VEPH1: variants seen among roughly 807,000 people sequenced by gnomAD.
VEPH1 encodes the protein ventricular zone expressed PH domain containing 1, also known as ventricular zone-expressed PH domain-containing protein homolog 1.
Under a neutral mutation model 85.2 loss-of-function variants are expected in VEPH1, and 80 were observed. That is an observed-to-expected ratio of 0.94 (90% CI 0.78 to 1.13). VEPH1 has a LOEUF of 1.13. Ranked by LOEUF, VEPH1 falls within the 50% of genes most tolerant of loss-of-function variation. The pLI, the probability that VEPH1 is intolerant of heterozygous loss-of-function variation, is 0.00. For missense variants in VEPH1, 955 were observed against 980.5 expected (o/e 0.97, Z 0.35); for synonymous variants, 297 against 348.0 (o/e 0.85, Z 1.63).
intron 4 of VEPH1, among the ~76,000 whole-genome samples, chr3:157,455,154 T>G (rs1735268640): frequency 6.6e-6 from 1 of 152,204 alleles, no homozygotes; most frequent in Non-Finnish European, 1.5e-5. Flanking sequence ...TTTTAACTTC[T>G]TTGAGAAATC....
Position 157,313,645 on chromosome 3 carries a change from C to T in VEPH1, c.1986G>A (p.Met662Ile). ...GGAHSFETAMMESTFPQQKDL... is the reference protein window; with the variant it reads ...GGAHSFETAMIESTFPQQKDL... ...CCTTCTGCTGTGGAAACGTGGACTC[C>T]ATCATGGCAGTTTCAAAGCTGTGAG... Residue 662 changes from methionine (M) to isoleucine (I), a missense_variant, in exon 11 of 14, where the codon ATG becomes ATA. Met to Ile is a conservative substitution (Grantham distance 10). Coordinates refer to ENST00000362010, the MANE Select transcript of VEPH1 (RefSeq NM_001167912.2). The T allele has an allele frequency of 1.2e-6, 2 of 1,614,142 alleles. No individual in the cohort carries two copies. The highest frequency in any genetic ancestry group is 2.7e-5 in the African/African-American group (2 of 75,044).
intron 11 of VEPH1, among the ~76,000 whole-genome samples, chr3:157,289,415 C>T (rs1226744670): frequency 1.3e-5 from 2 of 152,200 alleles, no homozygotes; most frequent in African/African-American, 2.4e-5. Flanking sequence ...AGGCTTACCT[C>T]CTCAGAGGAT....
intron 1 of VEPH1, among the ~76,000 whole-genome samples, chr3:157,501,237 T>G (rs571977988): frequency 2.6e-5 from 4 of 152,232 alleles, no homozygotes; most frequent in Non-Finnish European, 4.4e-5. Flanking sequence ...TGTTCACTTT[T>G]CATCTGTAAA....
Position 157,398,191 on chromosome 3 carries a change from G to A in VEPH1, c.906+15690C>T, listed in dbSNP as rs570778688. ...GTACATACCACTTCTCTTTGATGATGGAATACTGCAGTGCACACCCAATTT... is the reference window on the plus strand; with the variant it reads ...GTACATACCACTTCTCTTTGATGATAGAATACTGCAGTGCACACCCAATTT... On this transcript the variant is annotated intron_variant, in intron 6 of 13. Transcript: ENST00000362010. Among the ~76,000 whole-genome samples the A allele has an allele frequency of 1.2e-4, 18 of 152,234 alleles. No homozygotes were observed. In the South Asian group the frequency reaches 3.3e-3, roughly 28 times the overall value.
intron 7 of VEPH1, among the ~76,000 whole-genome samples, chr3:157,380,365 T>C (rs1214445171): frequency 6.6e-6 from 1 of 152,210 alleles, no homozygotes; most frequent in Non-Finnish European, 1.5e-5. Flanking sequence ...CACTCCTCAC[T>C]GCTTAGAGGG....
chr3:157,442,214 T>C (rs768508229), intron 4 of VEPH1: 23 of 700,736 alleles, frequency 3.3e-5, no homozygotes, highest in Middle Eastern at 4.1e-4. Context: ...TCTGCAGAGA[T>C]TACAGTGGAA....
At chr3:157,465,984 C>T (rs1163041458) in intron 3 of VEPH1, among the ~76,000 whole-genome samples, 2 of 152,190 alleles carry the variant, frequency 1.3e-5, no homozygotes, top group Non-Finnish European at 2.9e-5. Flanking sequence ...GAGGCTGTGA[C>T]TGCAGTAGAG....
At chr3:157,399,172 A>G (rs1577566278) in intron 6 of VEPH1, among the ~76,000 whole-genome samples, 2 of 152,180 alleles carry the variant, frequency 1.3e-5, no homozygotes, top group Admixed American at 6.5e-5. Flanking sequence ...TAGCCCTTTA[A>G]TTTTTCCCAG....
chr3:157,369,180 G>GAAAAAAAAAAAAAAAAAAAAA lies in VEPH1; in HGVS notation c.1128-4689_1128-4669dup, dbSNP rs58451868. ...ACAACAACAACAACAAAAACCAAAT[G>GAAAAAAAAAAAAAAAAAAAAA]AAAAAAAAAAAAAAAAAAAAAAAAC... On this transcript the variant is annotated intron_variant, in intron 7 of 13. Coordinates refer to ENST00000362010, the MANE Select transcript of VEPH1 (RefSeq NM_001167912.2). Among the ~76,000 whole-genome samples the GAAAAAAAAAAAAAAAAAAAAA allele has an allele frequency of 2.3e-3, 99 of 42,786 alleles. 18 individuals carry two copies. Among genetic ancestry groups the GAAAAAAAAAAAAAAAAAAAAA allele is most frequent in the East Asian group, 8.2e-3 (6 of 734 alleles). The allele number at this position is 42,786 out of a possible 152,430, so 28.1% of individuals were successfully genotyped here.
At chr3:157,433,195 C>T (rs914186017) in intron 4 of VEPH1, among the ~76,000 whole-genome samples, 4 of 152,088 alleles carry the variant, frequency 2.6e-5, no homozygotes, top group South Asian at 2.1e-4. Context: ...CCATCCTAAT[C>T]CTTATGTTTC....
intron 1 of VEPH1, chr3:157,499,721 C>T (rs1739954060): frequency 1.3e-5 from 2 of 152,174 alleles, no homozygotes; most frequent in Non-Finnish European, 2.9e-5. Flanking sequence ...AAACAGAACT[C>T]CCTGTGTTCG....
rs529248461 is a variant in VEPH1 at position 157,372,910 on chromosome 3, C to T, written c.1127+8246G>A. ...TTTTTAATATCTGCAATCGCTTCAT[C>T]ACAGTCTGATAAGAAACAGTTTGCA... On this transcript the variant is annotated intron_variant, in intron 7 of 13. Transcript: ENST00000362010. Among the ~76,000 whole-genome samples, 178 of 152,306 alleles carry T rather than the reference C, an allele frequency of 1.2e-3. 1 individual carries two copies. The highest frequency in any genetic ancestry group is 3.7e-3 in the African/African-American group (154 of 41,560).
At chr3:157,395,557 G>A (rs1377296290) in intron 6 of VEPH1, among the ~76,000 whole-genome samples, 1 of 152,110 alleles carries the variant, frequency 6.6e-6, no homozygotes, top group Non-Finnish European at 1.5e-5. Context: ...TGTCAACAGA[G>A]TGGGTCATCA....
chr3:157,436,015 G>A lies in VEPH1; in HGVS notation c.530-7527C>T, dbSNP rs192763653. Among the ~76,000 whole-genome samples the A allele has an allele frequency of 5.0e-4, 76 of 152,186 alleles. No individual in the cohort carries two copies. In the East Asian group the frequency reaches 0.011, roughly 23 times the overall value. On this transcript the variant is annotated intron_variant, in intron 4 of 13. Coordinates refer to ENST00000362010, the MANE Select transcript of VEPH1 (RefSeq NM_001167912.2). ...TCATAGGCCGGGTGAGGTGGCTCAC[G>A]TCTGTAATCCTAGCAATTTGGGAGG...
At chr3:157,364,585 A>G in intron 7 of VEPH1, 73 bp from the exon 8 acceptor site, 2 of 1,382,240 alleles carry the variant, frequency 1.4e-6, no homozygotes, top group Non-Finnish European at 2.0e-6. Context: ...TCTCTATTTA[A>G]CTGCCTCTCA....
chr3:157,469,385 T>C (rs922780752), intron 3 of VEPH1, among the ~76,000 whole-genome samples: 2 of 152,224 alleles, frequency 1.3e-5, no homozygotes, highest in Non-Finnish European at 2.9e-5. Flanking sequence ...CTAAGCATTT[T>C]AACATAATCA....
intron 6 of VEPH1, among the ~76,000 whole-genome samples, chr3:157,404,714 A>G (rs1731022697): frequency 6.6e-6 from 1 of 152,154 alleles, no homozygotes. Flanking sequence ...TCACATGCAT[A>G]CGCCATGTGT....
intron 7 of VEPH1, among the ~76,000 whole-genome samples, chr3:157,380,438 T>C (rs1728635054): frequency 6.6e-6 from 1 of 152,214 alleles, no homozygotes; most frequent in South Asian, 2.1e-4. Context: ...GCCTACCACT[T>C]CATCAGCATC....
intron 4 of VEPH1, among the ~76,000 whole-genome samples, chr3:157,428,984 T>C (rs973129775): frequency 2.6e-5 from 4 of 152,248 alleles, no homozygotes; most frequent in African/African-American, 7.2e-5. Flanking sequence ...CCTTATTTTA[T>C]GAATAGTTTA....
Sources: allele counts gnomAD v4.1 joint callset (sites outside exome capture counted in the v4.1 genomes callset), GRCh38; gene constraint gnomAD v4.1.1; transcripts MANE v1.5; gene names NCBI Gene and HGNC (gene_info 2026-07-23, HGNC 2026-07-21).